Variants in UEVLD observed in about 807,000 individuals in gnomAD.
UEVLD encodes ubiquitin-conjugating enzyme E2 variant 3.
A neutral mutation model predicts 58.6 loss-of-function variants in UEVLD; 47 were observed. The observed-to-expected ratio is 0.80, with a 90% CI of 0.63 to 1.02. UEVLD has a LOEUF of 1.02. Ranked by LOEUF, UEVLD falls within the 50% of genes least tolerant of loss-of-function variation. The pLI is 0.00. For missense variants in UEVLD, 510 were observed against 550.6 expected, an observed-to-expected ratio of 0.93 and a Z score of 0.74; for synonymous variants, 197 against 195.3, an observed-to-expected ratio of 1.01 and a Z score of -0.07.
chr11:18,571,303 C>T (rs139103377), intron 3 of UEVLD, among the ~76,000 whole-genome samples: 3 of 152,018 alleles, frequency 2.0e-5, no homozygotes, highest in Admixed American at 6.6e-5. Flanking sequence ...GCCGAGATTG[C>T]GCCACTGCAC....
At chr11:18,557,557 T>A (rs987393877) in intron 7 of UEVLD, among the ~76,000 whole-genome samples, 11 of 142,608 alleles carry the variant, frequency 7.7e-5, no homozygotes, top group Non-Finnish European at 1.7e-4. Context: ...CTTTTTTTCT[T>A]TTTTTTTTTT....
intron 11 of UEVLD, among the ~76,000 whole-genome samples, chr11:18,533,804 G>A (rs923735887): frequency 3.3e-5 from 5 of 152,076 alleles, no homozygotes; most frequent in African/African-American, 1.2e-4. Flanking sequence ...ACAGACATAC[G>A]CCACTATGTC....
intron 6 of UEVLD, among the ~76,000 whole-genome samples, chr11:18,562,144 G>A (rs1852065883): frequency 6.6e-6 from 1 of 151,522 alleles, no homozygotes; most frequent in Non-Finnish European, 1.5e-5. Context: ...GAGTGCAACT[G>A]CACAATCGCA....
In UEVLD at chr11:18,545,074, A is replaced by ATATTTT. The variant is rs1345787784; in HGVS notation, c.887-279_887-278insAAAATA. 7.3e-3 allele frequency among the ~76,000 whole-genome samples: 619 copies of ATATTTT among 84,522 alleles called. 21 individuals are homozygous for ATATTTT. Among genetic ancestry groups the ATATTTT allele is most frequent in the East Asian group, 0.07 (209 of 2,988 alleles). 55.4% of individuals were successfully genotyped at this position (84,522 alleles called of 152,430 possible). ...TATCTATATCTATATCTATATCTATATTTTTTTTTTTTTTTTGAGATGGAG... is the reference window on the plus strand; with the variant it reads ...TATCTATATCTATATCTATATCTATATATTTTTTTTTTTTTTTTTTTTGAGATGGAG... On this transcript the variant is annotated intron_variant, in intron 8 of 11. Transcript: ENST00000396197.
intron 4 of UEVLD, among the ~76,000 whole-genome samples, chr11:18,567,261 T>C (rs1852344474): frequency 6.6e-6 from 1 of 152,220 alleles, no homozygotes; most frequent in African/African-American, 2.4e-5. Flanking sequence ...TGAGCTTCAG[T>C]GTCATCAGTA....
chr11:18,585,083 G>A (rs1291792065), intron 1 of UEVLD, among the ~76,000 whole-genome samples: 2 of 151,974 alleles, frequency 1.3e-5, no homozygotes, highest in Non-Finnish European at 2.9e-5. Flanking sequence ...TTGAGATAGG[G>A]TCTTGCCATA....
chr11:18,549,141 C>A (rs1308909851), intron 7 of UEVLD, among the ~76,000 whole-genome samples: 1 of 152,104 alleles, frequency 6.6e-6, no homozygotes, highest in Non-Finnish European at 1.5e-5. Context: ...AAGTGTAGAG[C>A]CAGAGGTTAA....
chr11:18,587,031 CA>C (rs1201039529), intron 1 of UEVLD, among the ~76,000 whole-genome samples: 1 of 151,994 alleles, frequency 6.6e-6, no homozygotes, highest in Non-Finnish European at 1.5e-5. Flanking sequence ...GACTCCGTCT[CA>C]AAACAAACAG....
Position 18,531,096 on chromosome 11 carries a change from C to T in UEVLD, c.*1224G>A, listed in dbSNP as rs2133944423. ...AATCCTTTCATGGTGTACAGGACCC[C>T]AGCTTTAGGGTCTTTTGATAACTAT... On this transcript the variant is annotated 3_prime_UTR_variant, in exon 12 of 12. Transcript: ENST00000396197. The T allele has an allele frequency of 6.6e-6, 1 of 152,250 alleles. No homozygotes were observed. The highest frequency in any genetic ancestry group is 2.1e-4 in the South Asian group (1 of 4,820). 9.4% of individuals were successfully genotyped at this position (152,250 alleles called of 1,614,324 possible).
At chr11:18,532,624 CTTATT>C (rs1241074616) in intron 11 of UEVLD, 137 bp from the exon 12 acceptor site, 4 of 627,068 alleles carry the variant, frequency 6.4e-6, no homozygotes, top group Non-Finnish European at 9.9e-6. Flanking sequence ...TGTTCATTTA[CTTATT>C]TTATTTTTAG....
intron 9 of UEVLD, among the ~76,000 whole-genome samples, chr11:18,543,994 G>C (rs1167800450): frequency 6.6e-6 from 1 of 152,166 alleles, no homozygotes; most frequent in Non-Finnish European, 1.5e-5. Context: ...GAAGAGTAAA[G>C]GAAAGAGTTC....
At position 18,536,894 on chromosome 11, in the gene UEVLD, C is replaced by G. The variant is rs116968090; in HGVS notation, c.1061-425G>C. On this transcript the variant is annotated intron_variant, in intron 9 of 11. Transcript: ENST00000396197. ...TGTTACAGAGGCAGAGAATCCTGTT[C>G]CTTTTTTTTTTTTTTTTTTCAGATG... is the stretch of plus-strand genomic sequence containing the variant. 184 of 152,832 alleles carry G rather than the reference C, an allele frequency of 1.2e-3. 3 individuals carry two copies. In the East Asian group the frequency reaches 0.047, roughly 39 times the overall value. The allele number at this position is 152,832 out of a possible 1,614,324, so 9.5% of individuals were successfully genotyped here. A position where few individuals can be genotyped will look rare whatever the true frequency, so the allele number is the denominator to read the frequency against.
At chr11:18,562,717 T>G (rs1852101668) in intron 6 of UEVLD, among the ~76,000 whole-genome samples, 1 of 148,094 alleles carries the variant, frequency 6.8e-6, no homozygotes, top group Admixed American at 6.8e-5. Context: ...ACCCAGACAA[T>G]TCACAGACAA....
intron 9 of UEVLD, among the ~76,000 whole-genome samples, chr11:18,541,378 T>C (rs1851045890): frequency 6.6e-6 from 1 of 152,210 alleles, no homozygotes; most frequent in South Asian, 2.1e-4. Flanking sequence ...TGTGTGCTTG[T>C]CTATACACAG....
chr11:18,565,132 G>T, intron 5 of UEVLD, 122 bp from the exon 6 acceptor site: 1 of 636,306 alleles, frequency 1.6e-6, no homozygotes, highest in Non-Finnish European at 2.6e-6. Context: ...AGTCCATAAT[G>T]GGCAAAAAAT....
chr11:18,544,117 G>A (rs986600876), intron 9 of UEVLD, among the ~76,000 whole-genome samples: 1 of 152,184 alleles, frequency 6.6e-6, no homozygotes, highest in Non-Finnish European at 1.5e-5. Flanking sequence ...AAGCGGTCTT[G>A]TCTAACCTTA....
chr11:18,544,781 T>C lies in UEVLD; in HGVS notation c.902A>G (p.Tyr301Cys). Residue 301 changes from tyrosine to cysteine, a missense_variant, in exon 9 of 12, where the codon TAT becomes TGT. Coordinates refer to ENST00000396197, the MANE Select transcript of UEVLD (RefSeq NM_001040697.4). ...VASQPVEIMT[Y>C]VTWKLSTFPA... ...AAATGTACTCAGTTTCCATGTTACA[T>C]AGGTCATGATTTCCACTAAATATTG... The C allele has an allele frequency of 1.3e-6, 2 of 1,539,498 alleles. No homozygotes were observed. Among genetic ancestry groups the C allele is most frequent in the Non-Finnish European group, 1.7e-6 (2 of 1,153,412 alleles).
Position 18,532,303 on chromosome 11 carries a change from C to T in UEVLD, c.*17G>A, listed in dbSNP as rs377239638. The T allele has an allele frequency of 2.5e-6, 4 of 1,586,684 alleles. No homozygotes were observed. The African/African-American group carries it at 5.4e-5, about 22-fold the overall frequency. On this transcript the variant is annotated 3_prime_UTR_variant, in exon 12 of 12. Transcript: ENST00000396197. ...CCCTTTAGGTAGAAGTCCAGCCTCT[C>T]AAATTGCATTTGAGAATCAAAGTTT...
chr11:18,576,807 C>T (rs1256196518), intron 2 of UEVLD, among the ~76,000 whole-genome samples: 1 of 152,158 alleles, frequency 6.6e-6, no homozygotes, highest in Non-Finnish European at 1.5e-5. Context: ...ATCAGCACTC[C>T]TGGCTCACTG....
Sources: allele counts gnomAD v4.1 joint callset (sites outside exome capture counted in the v4.1 genomes callset), GRCh38; gene constraint gnomAD v4.1.1; transcripts MANE v1.5; gene names NCBI Gene and HGNC (gene_info 2026-07-23, HGNC 2026-07-21).